SOX6: variants seen among roughly 807,000 people sequenced by gnomAD.
SOX6 encodes transcription factor SOX-6.
Under a neutral mutation model 97.8 loss-of-function variants are expected in SOX6, and 11 were observed. The ratio of observed to expected loss-of-function variants is 0.11; its 90% CI spans 0.07 to 0.19. The LOEUF is 0.19. Among genes scored for constraint, SOX6 ranks in the 10% least tolerant of loss-of-function variants. The probability of loss-of-function intolerance (pLI) is 1.00; values close to 1 mark genes in which losing one functional copy is unlikely to be tolerated. For missense variants in SOX6, 810 were observed against 1,039.5 expected (o/e 0.78, Z 3.04); for synonymous variants, 360 against 371.4 (o/e 0.97, Z 0.35).
At chr11:16,112,766 A>G (rs1849261345) in intron 6 of SOX6, among the ~76,000 whole-genome samples, 1 of 152,166 alleles carries the variant, frequency 6.6e-6, no homozygotes, top group Non-Finnish European at 1.5e-5. Context: ...TTACATTTTA[A>G]TTTCCTAGCT....
At chr11:16,579,720 G>C (rs1240377779) in intron 4 of SOX6, among the ~76,000 whole-genome samples, 1 of 152,038 alleles carries the variant, frequency 6.6e-6, no homozygotes, top group Non-Finnish European at 1.5e-5. Context: ...GTTGTTTACA[G>C]TTTGTGGCTA....
At chr11:16,215,109 T>G (rs1031010632) in intron 4 of SOX6, among the ~76,000 whole-genome samples, 1 of 152,202 alleles carries the variant, frequency 6.6e-6, no homozygotes, top group Non-Finnish European at 1.5e-5. Context: ...AAAATAATAA[T>G]GTCCTCTATA....
chr11:15,978,175 CCT>C (rs1853548096), intron 15 of SOX6, among the ~76,000 whole-genome samples: 1 of 152,070 alleles, frequency 6.6e-6, no homozygotes, highest in Non-Finnish European at 1.5e-5. Flanking sequence ...CAACCAAAAA[CCT>C]CTCTCGGCAC....
intron 3 of SOX6, among the ~76,000 whole-genome samples, chr11:16,304,684 A>T (rs1249938683): frequency 6.6e-6 from 1 of 152,174 alleles, no homozygotes; most frequent in African/African-American, 2.4e-5. Flanking sequence ...TGTTCGTCTT[A>T]TATCCTGTGA....
At chr11:16,375,126 C>T (rs1198498926) in intron 1 of SOX6, among the ~76,000 whole-genome samples, 2 of 151,932 alleles carry the variant, frequency 1.3e-5, no homozygotes, top group East Asian at 3.9e-4. Flanking sequence ...TCCAACAACT[C>T]ATGTGAAAAA....
chr11:16,435,033 C>A (rs1467087892), intron 1 of SOX6, among the ~76,000 whole-genome samples: 1 of 152,150 alleles, frequency 6.6e-6, no homozygotes, highest in Non-Finnish European at 1.5e-5. Flanking sequence ...GTATTCACCA[C>A]AGTTGAAACT....
rs1429963107 is a variant in SOX6, at chr11:16,640,254, T to C, written n.430-27994A>G. On this transcript the variant is annotated intron_variant and non_coding_transcript_variant, in intron 3 of 5. Coordinates refer to the SOX6 transcript ENST00000524520. ...TTGAACCAGCCTTGCATCCCAGGGATAAAGCCCACTGGATCATGGTGGATA... is the reference window on the plus strand; with the variant it reads ...TTGAACCAGCCTTGCATCCCAGGGACAAAGCCCACTGGATCATGGTGGATA... 6.6e-5 allele frequency among the ~76,000 whole-genome samples: 10 copies of C among 152,324 alleles called. No homozygotes were observed. In the East Asian group the frequency reaches 1.7e-3, roughly 26 times the overall value.
At chr11:16,409,934 C>T (rs1191113476) in intron 1 of SOX6, among the ~76,000 whole-genome samples, 1 of 152,054 alleles carries the variant, frequency 6.6e-6, no homozygotes, top group Non-Finnish European at 1.5e-5. Flanking sequence ...ACCACATGTT[C>T]TCCCTTATAT....
chr11:16,471,459 C>T (rs1860141841), intron 1 of SOX6, among the ~76,000 whole-genome samples: 1 of 152,090 alleles, frequency 6.6e-6, no homozygotes, highest in African/African-American at 2.4e-5. Context: ...CACAGACAGA[C>T]TTGCACACCT....
At chr11:16,557,487 T>C (rs1273057650) in intron 4 of SOX6, among the ~76,000 whole-genome samples, 1 of 151,866 alleles carries the variant, frequency 6.6e-6, no homozygotes, top group Non-Finnish European at 1.5e-5. Context: ...TCAATTTACC[T>C]TTCTTTTGTA....
intron 4 of SOX6, among the ~76,000 whole-genome samples, chr11:16,214,067 T>C (rs1457402540): frequency 6.6e-6 from 1 of 152,196 alleles, no homozygotes; most frequent in Non-Finnish European, 1.5e-5. Flanking sequence ...CTGCCTAATA[T>C]GATAGCCATA....
chr11:16,678,112 A>AT lies in SOX6; in HGVS notation n.429+36717dup, dbSNP rs202176423. Among the ~76,000 whole-genome samples the AT allele has an allele frequency of 2.6e-3, 397 of 151,858 alleles. 14 individuals are homozygous for AT. The East Asian group carries it at 0.067, about 26-fold the overall frequency. ...CAAAGAACCAATTTTGATTTCACTG[A>AT]TTTTTTCTTACTGTTTTTCTGTTCT... On this transcript the variant is annotated intron_variant and non_coding_transcript_variant, in intron 3 of 5. Coordinates refer to the SOX6 transcript ENST00000524520.
chr11:16,724,223 G>A (rs1362956714), intron 2 of SOX6, among the ~76,000 whole-genome samples: 1 of 152,094 alleles, frequency 6.6e-6, no homozygotes, highest in Non-Finnish European at 1.5e-5. Context: ...CAATAAACAT[G>A]TATACCATAT....
chr11:16,596,507 C>T (rs1848214465), intron 4 of SOX6, among the ~76,000 whole-genome samples: 2 of 152,198 alleles, frequency 1.3e-5, no homozygotes, highest in Non-Finnish European at 2.9e-5. Flanking sequence ...ATGTTCAGTG[C>T]TCTTTAGGAT....
At chr11:16,583,579 GTATA>G (rs72420581) in intron 4 of SOX6, among the ~76,000 whole-genome samples, 1 of 114,874 alleles carries the variant, frequency 8.7e-6, no homozygotes. Flanking sequence ...ATTTCATTGT[GTATA>G]TATATATATG....
intron 3 of SOX6, among the ~76,000 whole-genome samples, chr11:16,246,113 A>C (rs572203348): frequency 6.6e-6 from 1 of 151,246 alleles, no homozygotes; most frequent in Admixed American, 6.6e-5. Flanking sequence ...TATTATATGC[A>C]TCTTTAACTT....
chr11:16,223,989 A>C (rs2134161255), intron 4 of SOX6, among the ~76,000 whole-genome samples: 1 of 152,232 alleles, frequency 6.6e-6, no homozygotes, highest in African/African-American at 2.4e-5. Flanking sequence ...TAATTGTGTA[A>C]GAATACTTTG....
At chr11:16,111,447 T>C (rs1283310881) in intron 7 of SOX6, among the ~76,000 whole-genome samples, 1 of 152,104 alleles carries the variant, frequency 6.6e-6, no homozygotes, top group Non-Finnish European at 1.5e-5. Flanking sequence ...ATGTGATCAC[T>C]TTTCCAGAAT....
rs1445276114 is a variant in SOX6 at position 16,351,724 on chromosome 11, T to C, written c.-5+4370A>G. ...TTAGTGTTAGGAAACCAACTGAGAC[T>C]ATTCCAGTTAACTACGATCTACCCC... On this transcript the variant is annotated intron_variant, in intron 1 of 15. Transcript: ENST00000683767. Among the ~76,000 whole-genome samples the C allele has an allele frequency of 2.6e-5, 4 of 152,080 alleles. No homozygotes were observed. The East Asian group carries it at 7.7e-4, about 29-fold the overall frequency.
Sources: allele counts gnomAD v4.1 joint callset (sites outside exome capture counted in the v4.1 genomes callset), GRCh38; gene constraint gnomAD v4.1.1; transcripts MANE v1.5; gene names NCBI Gene and HGNC (gene_info 2026-07-23, HGNC 2026-07-21).